THRB: variants seen among roughly 807,000 people sequenced by gnomAD.
THRB encodes the protein thyroid hormone receptor beta.
In THRB, 12 loss-of-function variants were observed where a neutral mutation model predicts 47.8. That is an observed-to-expected ratio of 0.25 (90% confidence interval 0.16 to 0.41). The LOEUF (loss-of-function observed/expected upper bound fraction) is 0.41, where lower values mean the gene tolerates loss of function less well. Ranked by LOEUF, THRB falls within the 10% of genes least tolerant of loss-of-function variation. The pLI is 1.00. For synonymous variants in THRB, 218 were observed against 212.2 expected, an observed-to-expected ratio of 1.03 and a Z score of -0.24; for missense variants, 348 against 589.2, an observed-to-expected ratio of 0.59 and a Z score of 4.24.
chr3:24,192,400 G>C (rs1031488412), intron 4 of THRB, among the ~76,000 whole-genome samples: 1 of 152,064 alleles, frequency 6.6e-6, no homozygotes, highest in African/African-American at 2.4e-5. Context: ...TTTATTTTCA[G>C]ATACTCTAAA....
chr3:24,335,141 T>C (rs1434568864), intron 2 of THRB, among the ~76,000 whole-genome samples: 1 of 152,166 alleles, frequency 6.6e-6, no homozygotes, highest in Admixed American at 6.5e-5. Context: ...GAGGACCCCA[T>C]CTGGAATATG....
At chr3:24,173,114 A>C (rs2040650423) in intron 5 of THRB, among the ~76,000 whole-genome samples, 1 of 152,070 alleles carries the variant, frequency 6.6e-6, no homozygotes, top group African/African-American at 2.4e-5. Context: ...TCTGCAGCCC[A>C]CCCCAGACCA....
intron 1 of THRB, among the ~76,000 whole-genome samples, chr3:24,341,543 T>C (rs1192210846): frequency 6.6e-6 from 1 of 152,146 alleles, no homozygotes; most frequent in African/African-American, 2.4e-5. Context: ...TTATAACAAA[T>C]TTTTAAGTAC....
intron 1 of THRB, among the ~76,000 whole-genome samples, chr3:24,462,295 A>G (rs531782833): frequency 6.6e-6 from 1 of 152,366 alleles, no homozygotes; most frequent in East Asian, 1.9e-4. Flanking sequence ...CTTTTGGGCC[A>G]GATATTATTC....
intron 5 of THRB, among the ~76,000 whole-genome samples, chr3:24,163,641 A>G (rs552447116): frequency 3.9e-4 from 59 of 152,320 alleles, no homozygotes; most frequent in Admixed American, 7.2e-4. Flanking sequence ...CACATGTTCA[A>G]TGTACCTCAA....
At chr3:24,376,786 T>C (rs2065327167) in intron 1 of THRB, among the ~76,000 whole-genome samples, 1 of 152,096 alleles carries the variant, frequency 6.6e-6, no homozygotes, top group African/African-American at 2.4e-5. Context: ...AGAACAAAAC[T>C]CATTACTCTT....
intron 1 of THRB, among the ~76,000 whole-genome samples, chr3:24,364,165 G>A (rs946052215): frequency 6.6e-6 from 1 of 152,104 alleles, no homozygotes; most frequent in Non-Finnish European, 1.5e-5. Flanking sequence ...ATATGGAAAA[G>A]CATATGGTGG....
intron 6 of THRB, among the ~76,000 whole-genome samples, chr3:24,149,393 T>C (rs1032480525): frequency 6.6e-6 from 1 of 152,164 alleles, no homozygotes; most frequent in African/African-American, 2.4e-5. Context: ...TGCTGACTCA[T>C]GTTCAGGGGT....
At chr3:24,136,488 T>C (rs1430986038) in intron 8 of THRB, among the ~76,000 whole-genome samples, 1 of 152,166 alleles carries the variant, frequency 6.6e-6, no homozygotes, top group African/African-American at 2.4e-5. Context: ...TTTTCACCTA[T>C]AACAAAAATA....
chr3:24,432,843 G>A (rs1210208330), intron 1 of THRB, among the ~76,000 whole-genome samples: 1 of 151,920 alleles, frequency 6.6e-6, no homozygotes, highest in Non-Finnish European at 1.5e-5. Context: ...GACTGATTCT[G>A]GGTGGTGGCC....
At chr3:24,462,493 C>A (rs558150561) in intron 1 of THRB, among the ~76,000 whole-genome samples, 1 of 152,254 alleles carries the variant, frequency 6.6e-6, no homozygotes, top group South Asian at 2.1e-4. Context: ...AGGTCATAGC[C>A]CTGTTCTAAA....
chr3:24,355,288 T>A (rs1184981178), intron 1 of THRB, among the ~76,000 whole-genome samples: 1 of 152,046 alleles, frequency 6.6e-6, no homozygotes, highest in Middle Eastern at 3.2e-3. Flanking sequence ...GCTTGTATCC[T>A]CCAAAAATAC....
rs2030891628 is a variant in THRB at position 24,117,567 on chromosome 3, T to C, written c.*5317A>G. 1 of 152,254 alleles carries C rather than the reference T, an allele frequency of 6.6e-6. No individual in the cohort carries two copies. The highest frequency in any genetic ancestry group is 6.5e-5 in the Admixed American group (1 of 15,284). The allele number at this position is 152,254 out of a possible 1,614,324, so 9.4% of individuals were successfully genotyped here. A position where few individuals can be genotyped will look rare whatever the true frequency, so the allele number is the denominator to read the frequency against. Reference sequence around the variant, plus strand: ...TAGAATTGTTGGAGAAAAGAAATTCTCCTTTCACTATATTTGGAGCTGTAA... The same window carrying C: ...TAGAATTGTTGGAGAAAAGAAATTCCCCTTTCACTATATTTGGAGCTGTAA... On this transcript the variant is annotated 3_prime_UTR_variant, in exon 11 of 11. Coordinates refer to ENST00000646209, the MANE Select transcript of THRB (RefSeq NM_001354712.2).
chr3:24,373,724 A>T (rs1263750545), intron 1 of THRB, among the ~76,000 whole-genome samples: 1 of 152,134 alleles, frequency 6.6e-6, no homozygotes, highest in African/African-American at 2.4e-5. Flanking sequence ...GTACTTCTAT[A>T]CTTGAGTCCT....
intron 4 of THRB, among the ~76,000 whole-genome samples, chr3:24,226,168 G>A (rs2047632771): frequency 6.6e-6 from 1 of 152,068 alleles, no homozygotes; most frequent in Admixed American, 6.6e-5. Flanking sequence ...CTTTTCATAA[G>A]GGTTTAATTG....
intron 5 of THRB, among the ~76,000 whole-genome samples, chr3:24,169,019 A>T (rs2040061537): frequency 6.6e-6 from 1 of 152,124 alleles, no homozygotes; most frequent in Non-Finnish European, 1.5e-5. Context: ...GGTGCTATCA[A>T]CTAACTGTAC....
At chr3:24,316,123 G>T (rs1422407009) in intron 2 of THRB, among the ~76,000 whole-genome samples, 1 of 152,144 alleles carries the variant, frequency 6.6e-6, no homozygotes, top group Non-Finnish European at 1.5e-5. Flanking sequence ...GAAGCTGTCT[G>T]CATGCCAAGG....
chr3:24,371,067 G>A (rs1476830735), intron 1 of THRB, among the ~76,000 whole-genome samples: 1 of 152,100 alleles, frequency 6.6e-6, no homozygotes, highest in Non-Finnish European at 1.5e-5. Flanking sequence ...AAACCAGCAG[G>A]CAACAGAGCT....
chr3:24,453,928 C>T (rs2072918584), intron 1 of THRB, among the ~76,000 whole-genome samples: 1 of 152,140 alleles, frequency 6.6e-6, no homozygotes, highest in South Asian at 2.1e-4. Flanking sequence ...CAATGTGTCT[C>T]AGGGTACTTT....
Sources: allele counts gnomAD v4.1 joint callset (sites outside exome capture counted in the v4.1 genomes callset), GRCh38; gene constraint gnomAD v4.1.1; transcripts MANE v1.5; gene names NCBI Gene and HGNC (gene_info 2026-07-23, HGNC 2026-07-21).